CERS6: variants seen among roughly 807,000 people sequenced by gnomAD.
CERS6 encodes the protein LAG1 homolog, ceramide synthase 6.
Under a neutral mutation model 56.8 loss-of-function variants are expected in CERS6, and 26 were observed. That is an observed-to-expected ratio of 0.46 (90% CI 0.34 to 0.63). The LOEUF is 0.63. CERS6 is among the 30% of genes least tolerant of loss of function. The pLI is 0.01. For synonymous variants in CERS6, 164 were observed against 173.3 expected (o/e 0.95, Z 0.42); for missense variants, 415 against 467.5 (o/e 0.89, Z 1.04).
intron 8 of CERS6, 138 bp from the exon 9 acceptor site, chr2:168,765,454 G>A: frequency 1.4e-6 from 1 of 727,526 alleles, no homozygotes; most frequent in Non-Finnish European, 2.1e-6. Flanking sequence ...TAAGTACCTG[G>A]CAAGCTTTCA....
intron 1 of CERS6, among the ~76,000 whole-genome samples, chr2:168,504,968 G>A (rs1694649980): frequency 6.6e-6 from 1 of 152,140 alleles, no homozygotes; most frequent in Admixed American, 6.6e-5. Context: ...CTTAAAGCCA[G>A]GTGCTGAGTG....
chr2:168,685,634 TA>T (rs886545456), intron 4 of CERS6, among the ~76,000 whole-genome samples: 20 of 151,516 alleles, frequency 1.3e-4, no homozygotes, highest in East Asian at 3.9e-4. Context: ...ACCCTTCTCT[TA>T]AAAAAAAATC....
At chr2:168,725,414 C>T (rs905327525) in intron 8 of CERS6, among the ~76,000 whole-genome samples, 6 of 152,270 alleles carry the variant, frequency 3.9e-5, no homozygotes, top group Non-Finnish European at 5.9e-5. Context: ...CAGGAGGCGC[C>T]GAGAGCGAGC....
chr2:168,565,095 A>C (rs1695860979), intron 3 of CERS6, among the ~76,000 whole-genome samples: 1 of 152,228 alleles, frequency 6.6e-6, no homozygotes, highest in African/African-American at 2.4e-5. Flanking sequence ...GCTCCATGAC[A>C]ATTTTAAAGA....
At chr2:168,669,835 A>C (rs1685863470) in intron 4 of CERS6, among the ~76,000 whole-genome samples, 1 of 152,194 alleles carries the variant, frequency 6.6e-6, no homozygotes, top group African/African-American at 2.4e-5. Flanking sequence ...AACATACACG[A>C]CTGTGTCAGA....
intron 3 of CERS6, among the ~76,000 whole-genome samples, chr2:168,629,118 G>A (rs1684654424): frequency 1.3e-5 from 2 of 152,184 alleles, no homozygotes; most frequent in East Asian, 3.8e-4. Context: ...TCAAATGATG[G>A]AGGCATCAGT....
intron 2 of CERS6, among the ~76,000 whole-genome samples, chr2:168,553,135 G>C (rs1372755420): frequency 2.0e-5 from 3 of 152,004 alleles, no homozygotes; most frequent in Non-Finnish European, 4.4e-5. Flanking sequence ...GGAAACACTA[G>C]TCACTGCAGA....
intron 3 of CERS6, among the ~76,000 whole-genome samples, chr2:168,598,101 T>G (rs915606094): frequency 6.6e-6 from 1 of 152,264 alleles, no homozygotes; most frequent in African/African-American, 2.4e-5. Context: ...CAAACAATTA[T>G]GAAGTCACCA....
chr2:168,602,454 T>TA (rs780519392), intron 3 of CERS6, among the ~76,000 whole-genome samples: 1 of 152,344 alleles, frequency 6.6e-6, no homozygotes. Flanking sequence ...TAATAAATTT[T>TA]AAAAAATCAC....
At chr2:168,640,352 G>A (rs573113015) in intron 4 of CERS6, among the ~76,000 whole-genome samples, 175 of 152,328 alleles carry the variant, frequency 1.1e-3, no homozygotes, top group Non-Finnish European at 1.8e-3. Flanking sequence ...AGTAGGAAAA[G>A]CTGGGATTTA....
chr2:168,694,537 C>T (rs1686591271), intron 5 of CERS6, among the ~76,000 whole-genome samples: 1 of 152,164 alleles, frequency 6.6e-6, no homozygotes, highest in Non-Finnish European at 1.5e-5. Flanking sequence ...AAATCTATGC[C>T]TCAGTGACCC....
intron 3 of CERS6, among the ~76,000 whole-genome samples, chr2:168,595,949 C>A (rs1683786347): frequency 6.6e-6 from 1 of 151,704 alleles, no homozygotes; most frequent in African/African-American, 2.4e-5. Context: ...ATTGGCAAGA[C>A]GTTAAAAATT....
At position 168,600,290 on chromosome 2, in the gene CERS6, C is replaced by T. The variant is rs181437984; in HGVS notation, c.408-30695C>T. Among the ~76,000 whole-genome samples, 510 of 151,582 alleles carry T rather than the reference C, an allele frequency of 3.4e-3. 4 individuals carry two copies. The highest frequency in any genetic ancestry group is 9.6e-3 in the African/African-American group (394 of 41,256). On this transcript the variant is annotated intron_variant, in intron 3 of 9. Coordinates refer to ENST00000305747, the MANE Select transcript of CERS6 (RefSeq NM_203463.3). Reference sequence around the variant, plus strand: ...TGTGATCTTGGCTCACTGCAAGCTCCGCCTCCCAGGTTCATGCCATTCTCC... The same window carrying T: ...TGTGATCTTGGCTCACTGCAAGCTCTGCCTCCCAGGTTCATGCCATTCTCC...
At chr2:168,623,967 G>A (rs899317789) in intron 3 of CERS6, among the ~76,000 whole-genome samples, 1 of 152,084 alleles carries the variant, frequency 6.6e-6, no homozygotes, top group African/African-American at 2.4e-5. Flanking sequence ...GTCATAGATG[G>A]GCTCTTAGGG....
Position 168,559,733 on chromosome 2 carries a change from T to TTA in CERS6, c.277-1459_277-1458insTA, listed in dbSNP as rs61031993. ...TGCTTGAGCTGCTTTTAGAAAGGTA[T>TTA]CATATATATATATATATATATTTCA... is the stretch of plus-strand genomic sequence containing the variant. On this transcript the variant is annotated intron_variant, in intron 2 of 9. Transcript: ENST00000305747. 2.3e-3 allele frequency among the ~76,000 whole-genome samples: 153 copies of TTA among 66,274 alleles called. 31 individuals are homozygous for TTA. Among genetic ancestry groups the TTA allele is most frequent in the East Asian group, 0.011 (27 of 2,474 alleles). 43.5% of individuals were successfully genotyped at this position (66,274 alleles called of 152,430 possible).
At chr2:168,625,794 T>C (rs1462832040) in intron 3 of CERS6, among the ~76,000 whole-genome samples, 1 of 152,008 alleles carries the variant, frequency 6.6e-6, no homozygotes, top group Non-Finnish European at 1.5e-5. Flanking sequence ...GGGTAATAAT[T>C]GTTAATAAGC....
intron 8 of CERS6, among the ~76,000 whole-genome samples, chr2:168,721,637 C>A (rs994362313): frequency 0.026 from 3,516 of 133,602 alleles, 58 homozygotes; most frequent in Non-Finnish European, 0.043. Context: ...AAAAAAAAAA[C>A]CAACGGGGTC....
intron 3 of CERS6, among the ~76,000 whole-genome samples, chr2:168,629,854 T>C (rs76778468): frequency 0.017 from 2,615 of 152,096 alleles, 104 homozygotes; most frequent in East Asian, 0.16. Flanking sequence ...CTCACTCTGT[T>C]GCCCAGGCTG....
At chr2:168,760,830 A>G (rs1376830679) in intron 8 of CERS6, among the ~76,000 whole-genome samples, 14 of 151,858 alleles carry the variant, frequency 9.2e-5, no homozygotes, top group Non-Finnish European at 1.8e-4. Context: ...ATCTCGGCTC[A>G]CTGCAAGCTC....
Sources: allele counts gnomAD v4.1 joint callset (sites outside exome capture counted in the v4.1 genomes callset), GRCh38; gene constraint gnomAD v4.1.1; transcripts MANE v1.5; gene names NCBI Gene and HGNC (gene_info 2026-07-23, HGNC 2026-07-21).